Variants in TNFRSF1B observed in about 807,000 individuals in gnomAD.
TNFRSF1B encodes the protein tumor necrosis factor receptor superfamily member 1B.
Under a neutral mutation model 44.6 loss-of-function variants are expected in TNFRSF1B, and 19 were observed. That is an observed-to-expected ratio of 0.43 (90% CI 0.30 to 0.62). The LOEUF is 0.62. Ranked by LOEUF, TNFRSF1B falls within the 20% of genes least tolerant of loss-of-function variation. The pLI is 0.16. For missense variants in TNFRSF1B, 541 were observed against 619.9 expected, an observed-to-expected ratio of 0.87 and a Z score of 1.35; for synonymous variants, 252 against 261.1, an observed-to-expected ratio of 0.97 and a Z score of 0.34.
chr1:12,173,216 C>T (rs533721143), intron 1 of TNFRSF1B, among the ~76,000 whole-genome samples: 4 of 152,264 alleles, frequency 2.6e-5, no homozygotes, highest in Non-Finnish European at 4.4e-5. Flanking sequence ...AACCCTGGTT[C>T]CAATGCTTTC....
At chr1:12,188,998 T>C (rs1207313066) in intron 2 of TNFRSF1B, 103 bp downstream of exon 2, 2 of 1,001,132 alleles carry the variant, frequency 2.0e-6, no homozygotes, top group Non-Finnish European at 2.9e-6. Flanking sequence ...ACTGAACTCC[T>C]AGTTCTATGC....
intron 1 of TNFRSF1B, among the ~76,000 whole-genome samples, chr1:12,170,798 C>A (rs1638504702): frequency 6.6e-6 from 1 of 151,776 alleles, no homozygotes. Context: ...TCCAGAGTAG[C>A]TGGGACTACA....
intron 2 of TNFRSF1B, among the ~76,000 whole-genome samples, chr1:12,189,430 C>T (rs1338178331): frequency 6.6e-6 from 1 of 152,228 alleles, no homozygotes. Context: ...GGCGCAATGC[C>T]ATGTAGGTGC....
intron 1 of TNFRSF1B, 149 bp downstream of exon 1, chr1:12,167,318 C>A: frequency 3.6e-6 from 2 of 555,266 alleles, no homozygotes; most frequent in Non-Finnish European, 2.7e-6. Flanking sequence ...CCATCCGCAT[C>A]AGACACGCGC....
At chr1:12,202,675 G>A (rs1639420488) in intron 9 of TNFRSF1B, among the ~76,000 whole-genome samples, 1 of 152,222 alleles carries the variant, frequency 6.6e-6, no homozygotes, top group South Asian at 2.1e-4. Flanking sequence ...GAAGGCTACG[G>A]AACAGCAGGC....
intron 1 of TNFRSF1B, chr1:12,167,457 G>T: frequency 2.3e-6 from 1 of 427,902 alleles, no homozygotes; most frequent in Non-Finnish European, 4.3e-6. Flanking sequence ...AGCGCAGGCC[G>T]GGGCATTTGG....
Position 12,199,346 on chromosome 1 carries a change from C to T in TNFRSF1B, c.901-2621C>T, listed in dbSNP as rs983009354. 5.9e-5 allele frequency among the ~76,000 whole-genome samples: 9 copies of T among 152,212 alleles called. No homozygotes were observed. Among genetic ancestry groups the T allele is most frequent in the African/African-American group, 1.9e-4 (8 of 41,460 alleles). ...GGAGGTTCAGCATGAACTTGCAATG[C>T]CCTCCATCTCTCCAAAACTGGGGGA... On this transcript the variant is annotated intron_variant, in intron 8 of 9. Transcript: ENST00000376259. This position sits in a 1 kb window ranked among gnomAD's most constrained non-coding sequence, Gnocchi z 4.0.
intron 7 of TNFRSF1B, among the ~76,000 whole-genome samples, 167 bp downstream of exon 7, chr1:12,194,199 T>C (rs1177061931): frequency 6.6e-6 from 1 of 152,054 alleles, no homozygotes; most frequent in Non-Finnish European, 1.5e-5. Flanking sequence ...CTCTGCTAAC[T>C]TAATTACTAA....
intron 6 of TNFRSF1B, 131 bp downstream of exon 6, chr1:12,193,229 G>T (rs1335949653): frequency 1.2e-6 from 1 of 831,150 alleles, no homozygotes; most frequent in African/African-American, 1.7e-5. Context: ...TGGGATACAG[G>T]TGGCAGTGAG....
At position 12,177,025 on chromosome 1, in the gene TNFRSF1B, G is replaced by A. The variant is rs1638674479; in HGVS notation, c.78+9856G>A. Among the ~76,000 whole-genome samples, 1 of 151,548 alleles carries A rather than the reference G, an allele frequency of 6.6e-6. No homozygotes were observed. Among genetic ancestry groups the A allele is most frequent in the Admixed American group, 6.6e-5 (1 of 15,240 alleles). On this transcript the variant is annotated intron_variant, in intron 1 of 9. Transcript: ENST00000376259. The surrounding 1 kb of genome is among the most constrained non-coding windows in gnomAD (Gnocchi z 4.3). Reference sequence around the variant, plus strand: ...ACCGATTCTGTTTTTTTTTTGAGATGGAGTCTTGCTCTTGTTGCCTAGGCT... The same window carrying A: ...ACCGATTCTGTTTTTTTTTTGAGATAGAGTCTTGCTCTTGTTGCCTAGGCT...
chr1:12,194,409 G>A (rs1639220353), intron 7 of TNFRSF1B, among the ~76,000 whole-genome samples, 175 bp from the exon 8 acceptor site: 1 of 152,126 alleles, frequency 6.6e-6, no homozygotes, highest in Non-Finnish European at 1.5e-5. Context: ...AGAATGGTTG[G>A]GATGGTGGCA....
rs111717282 is a variant in TNFRSF1B at position 12,181,017 on chromosome 1, G to A, written c.79-7779G>A. Among the ~76,000 whole-genome samples the A allele has an allele frequency of 2.6e-3, 389 of 152,238 alleles. 3 individuals carry two copies. Among genetic ancestry groups the A allele is most frequent in the African/African-American group, 9.0e-3 (375 of 41,552 alleles). On this transcript the variant is annotated intron_variant, in intron 1 of 9. Coordinates refer to ENST00000376259, the MANE Select transcript of TNFRSF1B (RefSeq NM_001066.3). The stretch of plus-strand genomic sequence containing the variant: ...TTGCACTCTTCTCCTTTGCCCCACC[G>A]AAGCCTCTGTCACACTGTCACAGCA...
chr1:12,192,144 C>G (rs1639151736), intron 4 of TNFRSF1B, among the ~76,000 whole-genome samples: 1 of 152,218 alleles, frequency 6.6e-6, no homozygotes, highest in African/African-American at 2.4e-5. Context: ...CCAGGAGACC[C>G]AGAGATGGAT....
intron 7 of TNFRSF1B, 102 bp from the exon 8 acceptor site, chr1:12,194,482 G>A: frequency 1.6e-6 from 2 of 1,257,988 alleles, no homozygotes; most frequent in Non-Finnish European, 2.3e-6. Flanking sequence ...CCACAGGGCT[G>A]GGCCTCTCTG....
In TNFRSF1B at chr1:12,177,624, G is replaced by A. The variant is rs1156491119; in HGVS notation, c.78+10455G>A. ...GCTCTCTGTCACTTCCCCTAGGGGC[G>A]GGCAGATGCTGGCAGGGCACAGAGA... On this transcript the variant is annotated intron_variant, in intron 1 of 9. Coordinates refer to ENST00000376259, the MANE Select transcript of TNFRSF1B (RefSeq NM_001066.3). The surrounding 1 kb of genome is among the most constrained non-coding windows in gnomAD (Gnocchi z 4.3). Among the ~76,000 whole-genome samples, 7 of 152,200 alleles carry A rather than the reference G, an allele frequency of 4.6e-5. No individual in the cohort carries two copies. The Middle Eastern group carries it at 0.01, about 222-fold the overall frequency.
At chr1:12,204,513 C>G (rs1460396798) in intron 9 of TNFRSF1B, among the ~76,000 whole-genome samples, 1 of 152,090 alleles carries the variant, frequency 6.6e-6, no homozygotes, top group Non-Finnish European at 1.5e-5. Flanking sequence ...CTCAGCAGGC[C>G]CCTGCAGCAA....
chr1:12,190,618 C>T (rs566175501), intron 2 of TNFRSF1B, among the ~76,000 whole-genome samples: 1 of 152,004 alleles, frequency 6.6e-6, no homozygotes, highest in East Asian at 1.9e-4. Flanking sequence ...CCCTATCATT[C>T]ATGCCCCTAG....
Position 12,202,134 on chromosome 1 carries a change from TG to T in TNFRSF1B, c.1072del (p.Ala358ProfsTer28). The T allele has an allele frequency of 6.4e-7, 1 of 1,559,104 alleles. No individual in the cohort carries two copies. The highest frequency in any genetic ancestry group is 8.7e-7 in the Non-Finnish European group (1 of 1,152,142). On this transcript the variant is annotated frameshift_variant, in exon 9 of 10. Transcript: ENST00000376259. LOFTEE classifies it low-confidence loss of function (END_TRUNC). ...QPQAPGVEAS[G>X]AGEARASTGS... ...CACAGGCACCAGGCGTGGAGGCCAG[TG>T]GGGCCGGGGAGGCCCGGGCCAGCAC... is the stretch of plus-strand genomic sequence containing the variant.
intron 8 of TNFRSF1B, 39 bp downstream of exon 8, chr1:12,194,657 T>G (rs1469828353): frequency 6.2e-7 from 1 of 1,612,794 alleles, no homozygotes; most frequent in East Asian, 2.2e-5. Flanking sequence ...CTTCCCCTGG[T>G]CTCCTTCCCG....
Sources: gnomAD v4.1 joint callset for allele counts (sites outside exome capture counted in the v4.1 genomes callset) on GRCh38, gnomAD v4.1.1 for gene constraint, Gnocchi (gnomAD v3.1) non-coding constraint, MANE v1.5 for transcripts, NCBI Gene and HGNC (gene_info 2026-07-23, HGNC 2026-07-21) for gene names.